Variants in PRKN observed in about 807,000 individuals in gnomAD.
PRKN encodes the protein parkin RBR E3 ubiquitin protein ligase, also known as E3 ubiquitin-protein ligase parkin.
Under a neutral mutation model 59.5 loss-of-function variants are expected in PRKN, and 56 were observed. That is an observed-to-expected ratio of 0.94 (90% CI 0.76 to 1.18). The LOEUF (loss-of-function observed/expected upper bound fraction) is 1.18. Among genes scored for constraint, PRKN ranks in the 50% most tolerant of loss-of-function variants. The pLI is 0.00. For synonymous variants in PRKN, 250 were observed against 222.1 expected (o/e 1.13, Z -1.12); for missense variants, 657 against 596.4 (o/e 1.10, Z -1.06).
At chr6:161,909,204 C>T (rs956920523) in intron 6 of PRKN, among the ~76,000 whole-genome samples, 1 of 152,190 alleles carries the variant, frequency 6.6e-6, no homozygotes, top group Non-Finnish European at 1.5e-5. Flanking sequence ...AGGCTCTGCT[C>T]ATGAGAAGGC....
At chr6:161,634,677 A>T (rs1442428933) in intron 7 of PRKN, among the ~76,000 whole-genome samples, 2 of 152,136 alleles carry the variant, frequency 1.3e-5, no homozygotes, top group Non-Finnish European at 2.9e-5. Context: ...AGGAGAGAAG[A>T]GCCGTGGAAT....
chr6:161,807,304 T>G (rs946445494), intron 6 of PRKN, among the ~76,000 whole-genome samples: 1 of 152,088 alleles, frequency 6.6e-6, no homozygotes, highest in East Asian at 1.9e-4. Context: ...GATACACGCA[T>G]GCAAACATAT....
At chr6:162,566,983 T>A (rs534186289) in intron 1 of PRKN, among the ~76,000 whole-genome samples, 60 of 152,276 alleles carry the variant, frequency 3.9e-4, no homozygotes, top group Non-Finnish European at 5.7e-4. Context: ...ATGTGATACA[T>A]CATATCAACA....
chr6:162,213,749 A>G (rs150025542), intron 3 of PRKN, among the ~76,000 whole-genome samples: 1 of 151,694 alleles, frequency 6.6e-6, no homozygotes, highest in Non-Finnish European at 1.5e-5. Context: ...AAATAAAAAA[A>G]ATGTATATTT....
At chr6:162,526,263 G>A (rs1778277342) in intron 1 of PRKN, among the ~76,000 whole-genome samples, 1 of 96,398 alleles carries the variant, frequency 1.0e-5, no homozygotes. Flanking sequence ...ACCTCCACAA[G>A]GCTAAGGGAA....
At chr6:162,351,742 A>C (rs1457760538) in intron 2 of PRKN, among the ~76,000 whole-genome samples, 1 of 152,222 alleles carries the variant, frequency 6.6e-6, no homozygotes, top group Non-Finnish European at 1.5e-5. Context: ...CACTTGCAAA[A>C]TACACTGTAA....
chr6:161,854,003 C>T (rs903540363), intron 6 of PRKN, among the ~76,000 whole-genome samples: 4 of 150,388 alleles, frequency 2.7e-5, no homozygotes, highest in East Asian at 2.0e-4. Context: ...CCCAACACTT[C>T]GGGAGACCAA....
chr6:161,642,920 C>G (rs993688932), intron 7 of PRKN, among the ~76,000 whole-genome samples: 1 of 152,104 alleles, frequency 6.6e-6, no homozygotes, highest in Admixed American at 6.5e-5. Flanking sequence ...TTTTTTAAAG[C>G]ATAGATCTAC....
intron 7 of PRKN, among the ~76,000 whole-genome samples, chr6:161,609,352 T>G (rs1433913257): frequency 6.6e-6 from 1 of 152,212 alleles, no homozygotes; most frequent in Non-Finnish European, 1.5e-5. Flanking sequence ...TGATACAAAG[T>G]CTTTCAGAGT....
At chr6:161,572,366 T>G (rs1269060360) in intron 7 of PRKN, among the ~76,000 whole-genome samples, 1 of 151,068 alleles carries the variant, frequency 6.6e-6, no homozygotes, top group Non-Finnish European at 1.5e-5. Flanking sequence ...ACCAAGAAAA[T>G]AAATAAAAAT....
chr6:162,265,971 T>A (rs1329165522), intron 2 of PRKN, among the ~76,000 whole-genome samples: 2 of 152,178 alleles, frequency 1.3e-5, no homozygotes, highest in African/African-American at 4.8e-5. Context: ...ATCAGCTCCG[T>A]GTCAGGCAGC....
intron 1 of PRKN, among the ~76,000 whole-genome samples, chr6:162,715,532 G>T (rs1778689925): frequency 6.6e-6 from 1 of 152,192 alleles, no homozygotes; most frequent in South Asian, 2.1e-4. Context: ...GTGGGAAGCT[G>T]TGTAATAGCT....
intron 7 of PRKN, among the ~76,000 whole-genome samples, chr6:161,596,762 GT>G (rs1265707873): frequency 6.6e-6 from 1 of 152,172 alleles, no homozygotes; most frequent in African/African-American, 2.4e-5. Context: ...TATAACAATG[GT>G]TGTAGGAGAA....
At chr6:161,631,728 C>A (rs1783317448) in intron 7 of PRKN, among the ~76,000 whole-genome samples, 1 of 151,698 alleles carries the variant, frequency 6.6e-6, no homozygotes, top group Non-Finnish European at 1.5e-5. Flanking sequence ...ATTTCTATTT[C>A]ATTTTCTATA....
intron 4 of PRKN, among the ~76,000 whole-genome samples, chr6:162,058,957 GAAAAAAAAAA>G (rs553927046): frequency 2.3e-5 from 2 of 87,276 alleles, no homozygotes; most frequent in South Asian, 8.6e-4. Context: ...GCCTCAACAA[GAAAAAAAAAA>G]AAAAAAAAAA....
chr6:162,361,460 T>C (rs1463932957), intron 2 of PRKN, among the ~76,000 whole-genome samples: 1 of 152,104 alleles, frequency 6.6e-6, no homozygotes, highest in Non-Finnish European at 1.5e-5. Flanking sequence ...AAGGCATCTC[T>C]CTGCAGGCCA....
At position 161,378,087 on chromosome 6, in the gene PRKN, GGA is replaced by G. The variant is rs919434036; in HGVS notation, c.1167+8705_1167+8706del. On this transcript the variant is annotated intron_variant, in intron 10 of 11. Coordinates refer to ENST00000366898, the MANE Select transcript of PRKN (RefSeq NM_004562.3). This position sits in a 1 kb window ranked among gnomAD's most constrained non-coding sequence, Gnocchi z 7.3. Reference sequence around the variant, plus strand: ...GTCTTGGCAGCCTCTTTAAGGGCAGGGACAGAGAAAATCTGGAAGACTGAGGA... The same window carrying G: ...GTCTTGGCAGCCTCTTTAAGGGCAGGCAGAGAAAATCTGGAAGACTGAGGA... Among the ~76,000 whole-genome samples the G allele has an allele frequency of 6.6e-6, 1 of 152,182 alleles. No homozygotes were observed. Among genetic ancestry groups the G allele is most frequent in the Non-Finnish European group, 1.5e-5 (1 of 68,030 alleles).
chr6:161,970,262 G>C (rs1780748981), intron 6 of PRKN, among the ~76,000 whole-genome samples: 1 of 151,774 alleles, frequency 6.6e-6, no homozygotes, highest in Admixed American at 6.6e-5. Flanking sequence ...GGCTGGTCTT[G>C]AACTCCTGAG....
intron 2 of PRKN, among the ~76,000 whole-genome samples, chr6:162,273,936 AC>A: frequency 6.6e-6 from 1 of 152,278 alleles, no homozygotes; most frequent in Middle Eastern, 3.4e-3. Flanking sequence ...TATTTACTCA[AC>A]AAAAATGATC....
Sources: gnomAD v4.1 joint callset for allele counts (sites outside exome capture counted in the v4.1 genomes callset) on GRCh38, gnomAD v4.1.1 for gene constraint, Gnocchi (gnomAD v3.1) non-coding constraint, MANE v1.5 for transcripts, NCBI Gene and HGNC (gene_info 2026-07-23, HGNC 2026-07-21) for gene names.